NFIB: variants seen among roughly 807,000 people sequenced by gnomAD.
NFIB encodes nuclear factor 1 B-type.
Under a neutral mutation model 61.5 loss-of-function variants are expected in NFIB, and 11 were observed. The ratio of observed to expected loss-of-function variants is 0.18; its 90% CI spans 0.11 to 0.30. The LOEUF is 0.30. Ranked by LOEUF, NFIB falls within the 10% of genes least tolerant of loss-of-function variation. The pLI is 1.00. For synonymous variants in NFIB, 260 were observed against 216.5 expected (o/e 1.20, Z -1.76); for missense variants, 471 against 608.9 (o/e 0.77, Z 2.38).
At chr9:14,488,436 G>A in the NFIB span, among the ~76,000 whole-genome samples, 1 of 152,146 alleles carries the variant, frequency 6.6e-6, no homozygotes, top group East Asian at 1.9e-4. Flanking sequence ...CCCCAATTCT[G>A]GTTCAGTTAT....
intron 1 of NFIB, among the ~76,000 whole-genome samples, chr9:14,342,109 A>G (rs576796286): frequency 1.8e-4 from 27 of 152,320 alleles, no homozygotes; most frequent in Middle Eastern, 3.4e-3. Context: ...TGTCCCCGAG[A>G]GCAAAAGCTC....
intron 2 of NFIB, among the ~76,000 whole-genome samples, chr9:14,252,410 A>C (rs1164521057): frequency 2.6e-5 from 4 of 152,212 alleles, no homozygotes; most frequent in Non-Finnish European, 5.9e-5. Context: ...GATTTTCTAT[A>C]TCATTATATT....
At chr9:14,527,213 C>G in the NFIB span, among the ~76,000 whole-genome samples, 143,720 of 152,244 alleles carry the variant, frequency 0.94, 68,332 homozygotes, top group East Asian at 1. Flanking sequence ...AGTATAATTT[C>G]TCTGTGACAA....
the NFIB span, among the ~76,000 whole-genome samples, chr9:14,504,262 A>C: frequency 1.3e-5 from 2 of 152,198 alleles, no homozygotes; most frequent in Non-Finnish European, 2.9e-5. Flanking sequence ...AGGTAATGTG[A>C]TACCTCCAGA....
chr9:14,313,724 G>C lies in NFIB; in HGVS notation c.-213C>G. The C allele has an allele frequency of 7.2e-7, 1 of 1,397,460 alleles. No individual in the cohort carries two copies. Among genetic ancestry groups the C allele is most frequent in the Non-Finnish European group, 9.3e-7 (1 of 1,077,182 alleles). The allele number at this position is 1,397,460 out of a possible 1,614,324, so 86.6% of individuals were successfully genotyped here. A position where few individuals can be genotyped will look rare whatever the true frequency, so the allele number is the denominator to read the frequency against. The stretch of plus-strand genomic sequence containing the variant: ...CTCGGCGTGCTAGATTTCCAGGGGT[G>C]AAATCCAATCTACACTTTTAACCCT... On this transcript the variant is annotated 5_prime_UTR_variant, in exon 1 of 11. Transcript: ENST00000380953. This position sits in a 1 kb window ranked among gnomAD's most constrained non-coding sequence, Gnocchi z 4.5.
At chr9:14,387,844 A>C (rs974190786) in intron 1 of NFIB, among the ~76,000 whole-genome samples, 5 of 152,218 alleles carry the variant, frequency 3.3e-5, no homozygotes, top group African/African-American at 1.2e-4. Context: ...ATTATGACAC[A>C]CATAGAGAAA....
chr9:14,222,581 T>A (rs542502664), intron 2 of NFIB, among the ~76,000 whole-genome samples: 2 of 152,012 alleles, frequency 1.3e-5, no homozygotes, highest in African/African-American at 4.8e-5. Flanking sequence ...AATGGGAGGC[T>A]CAGTTGAGCC....
chr9:14,262,905 A>G (rs2056898922), intron 2 of NFIB, among the ~76,000 whole-genome samples: 1 of 152,074 alleles, frequency 6.6e-6, no homozygotes, highest in Non-Finnish European at 1.5e-5. Context: ...CCCATTTTAG[A>G]GGCAGCCATT....
Position 14,396,035 on chromosome 9 carries a change from G to C in NFIB, c.108+2489C>G, listed in dbSNP as rs534248668. On this transcript the variant is annotated intron_variant, in intron 1 of 8. Coordinates refer to the NFIB transcript ENST00000380934. ...GCACTGTGCTTGCGGATATTAATTG[G>C]GCTTTCATTATGTGAATGAACCCAG... is the stretch of plus-strand genomic sequence containing the variant. Among the ~76,000 whole-genome samples, 4 of 151,742 alleles carry C rather than the reference G, an allele frequency of 2.6e-5. No individual in the cohort carries two copies. In the East Asian group the frequency reaches 7.8e-4, roughly 29 times the overall value.
chr9:14,367,233 T>C (rs528552409), intron 1 of NFIB, among the ~76,000 whole-genome samples: 105 of 152,224 alleles, frequency 6.9e-4, no homozygotes, highest in African/African-American at 2.5e-3. Flanking sequence ...GAGACAAACA[T>C]GTTAACAAGG....
intron 2 of NFIB, among the ~76,000 whole-genome samples, chr9:14,292,933 C>A (rs567553826): frequency 6.6e-6 from 1 of 152,142 alleles, no homozygotes; most frequent in Non-Finnish European, 1.5e-5. Context: ...AAATTATCGT[C>A]ATCCCCTACA....
chr9:14,347,752 T>C (rs1398131929), intron 1 of NFIB, among the ~76,000 whole-genome samples: 1 of 151,908 alleles, frequency 6.6e-6, no homozygotes, highest in Non-Finnish European at 1.5e-5. Context: ...GGCCAGGAGT[T>C]CCGCGGTTTT....
chr9:14,172,786 T>G (rs12551894), intron 3 of NFIB, among the ~76,000 whole-genome samples: 5,621 of 152,194 alleles, frequency 0.037, 271 homozygotes, highest in Admixed American at 0.16. Flanking sequence ...TTTTTTTTTT[T>G]TGAGACGGAG....
chr9:14,107,688 C>A (rs2036773838), intron 10 of NFIB, among the ~76,000 whole-genome samples: 1 of 152,074 alleles, frequency 6.6e-6, no homozygotes, highest in Non-Finnish European at 1.5e-5. Context: ...AACCTTCTGA[C>A]TCCTAATCCC....
At chr9:14,291,216 G>A (rs2059072696) in intron 2 of NFIB, among the ~76,000 whole-genome samples, 1 of 152,030 alleles carries the variant, frequency 6.6e-6, no homozygotes, top group Non-Finnish European at 1.5e-5. Flanking sequence ...AGGCAAGGTG[G>A]CTCACGCCTG....
intron 1 of NFIB, among the ~76,000 whole-genome samples, chr9:14,355,395 T>C (rs771416746): frequency 2.6e-5 from 4 of 152,108 alleles, no homozygotes; most frequent in Non-Finnish European, 5.9e-5. Context: ...GCCCCTAGAA[T>C]TGTGAGAAAA....
intron 1 of NFIB, among the ~76,000 whole-genome samples, chr9:14,338,577 A>G (rs2060912756): frequency 6.6e-6 from 1 of 152,192 alleles, no homozygotes; most frequent in African/African-American, 2.4e-5. Flanking sequence ...CTAATAATGA[A>G]TACTGGAGAG....
intron 5 of NFIB, among the ~76,000 whole-genome samples, chr9:14,147,818 T>G (rs1267895078): frequency 6.6e-6 from 1 of 151,882 alleles, no homozygotes; most frequent in Non-Finnish European, 1.5e-5. Flanking sequence ...ATTTTAGTAT[T>G]TTTTGTAGAG....
chr9:14,432,950 T>C, the NFIB span, among the ~76,000 whole-genome samples: 1 of 152,256 alleles, frequency 6.6e-6, no homozygotes, highest in African/African-American at 2.4e-5. Flanking sequence ...AGATTCTGTT[T>C]CTAGTTTGTG....
Sources: allele counts gnomAD v4.1 joint callset (sites outside exome capture counted in the v4.1 genomes callset), GRCh38; gene constraint gnomAD v4.1.1; non-coding constraint Gnocchi (gnomAD v3.1); transcripts MANE v1.5; gene names NCBI Gene and HGNC (gene_info 2026-07-23, HGNC 2026-07-21).